DQX1: variants seen among roughly 807,000 people sequenced by gnomAD.
DQX1 encodes the protein ATP-dependent RNA helicase homolog DQX1.
Under a neutral mutation model 81.3 loss-of-function variants are expected in DQX1, and 66 were observed. The observed-to-expected ratio is 0.81, with a 90% CI of 0.67 to 1.00. The LOEUF (loss-of-function observed/expected upper bound fraction) is 1.00. Ranked by LOEUF, DQX1 falls within the 50% of genes least tolerant of loss-of-function variation. DQX1 has a pLI of 0.00. For missense variants in DQX1, 798 were observed against 867.9 expected (o/e 0.92, Z 1.01); for synonymous variants, 290 against 350.0 (o/e 0.83, Z 1.91).
chr2:74,524,667 G>A (rs1675125555), intron 3 of DQX1, among the ~76,000 whole-genome samples: 1 of 152,124 alleles, frequency 6.6e-6, no homozygotes, highest in African/African-American at 2.4e-5. Flanking sequence ...GGGAGACCGA[G>A]GTGGGTGGAT....
rs2104333958 is a variant in DQX1 at position 74,519,612 on chromosome 2, A to G, written c.1750T>C (p.Ser584Pro). ...ELPLSLPAFGSEQNRRDLQKA... is the reference protein window; with the variant it reads ...ELPLSLPAFGPEQNRRDLQKA... Reference sequence around the variant, plus strand: ...TGAAGGTCTCTGCGATTCTGCTCAGAGCCAAAGGCTGGTAGGGACAAGGGA... The same window carrying G: ...TGAAGGTCTCTGCGATTCTGCTCAGGGCCAAAGGCTGGTAGGGACAAGGGA... Residue 584 changes from serine to proline, a missense_variant, in exon 10 of 12, where the codon TCT becomes CCT. Transcript: ENST00000404568. The G allele has an allele frequency of 6.2e-7, 1 of 1,614,218 alleles. No homozygotes were observed. The highest frequency in any genetic ancestry group is 1.6e-4 in the Middle Eastern group (1 of 6,062).
chr2:74,518,571 T>C lies in DQX1; in HGVS notation c.2029A>G (p.Ser677Gly), dbSNP rs1251410168. The C allele has an allele frequency of 6.2e-7, 1 of 1,614,178 alleles. No homozygotes were observed. The highest frequency in any genetic ancestry group is 1.7e-5 in the Admixed American group (1 of 60,018). The change falls in exon 12 of 12, where the codon AGT (serine) becomes GGT (glycine). Residue 677 changes from serine to glycine, a missense_variant. Coordinates refer to ENST00000404568, the MANE Select transcript of DQX1 (RefSeq NM_133637.3). ...LVELAPPYFL[S>G]NLPPSESRDL... ...CTGCTCTCACTGGGAGGCAAGTTAC[T>C]CAGGAAGTATGGAGGGGCCAATTCC...
intron 8 of DQX1, 107 bp downstream of exon 8, chr2:74,522,473 G>A: frequency 7.4e-7 from 1 of 1,353,776 alleles, no homozygotes; most frequent in South Asian, 1.4e-5. Flanking sequence ...ATTGTGAGGG[G>A]TGGCAACTGG....
In DQX1 at chr2:74,520,029, G is replaced by C. The variant is rs1436885111; in HGVS notation, c.1501C>G (p.Pro501Ala). 45 of 1,612,180 alleles carry C rather than the reference G, an allele frequency of 2.8e-5. No individual in the cohort carries two copies. Among genetic ancestry groups the C allele is most frequent in the Non-Finnish European group, 3.6e-5 (43 of 1,178,558 alleles). Residue 501 changes from proline to alanine, a missense_variant, in exon 9 of 12, where the codon CCT (proline) becomes GCT (alanine). By Grantham distance (27) the Pro-to-Ala change is conservative. Coordinates refer to ENST00000404568, the MANE Select transcript of DQX1 (RefSeq NM_133637.3). ...LTLAAMLTAA[P>A]GFTRPPLSAE... is the part of the protein sequence containing the mutation. Reference sequence around the variant, plus strand: ...CTGAGTGGAGGACGGGTAAACCCAGGGGCAGCTGGAGGCAGAAGAGTGGAA... The same window carrying C: ...CTGAGTGGAGGACGGGTAAACCCAGCGGCAGCTGGAGGCAGAAGAGTGGAA...
At chr2:74,522,505 C>T (rs1440695657) in intron 8 of DQX1, 75 bp downstream of exon 8, 1 of 1,540,418 alleles carries the variant, frequency 6.5e-7, no homozygotes, top group African/African-American at 1.4e-5. Context: ...AAGGGCTAGC[C>T]TCAGGAGCAC....
At chr2:74,521,752 CCTCTTTCCCTCTCCCT>C (rs1400758441) in intron 8 of DQX1, among the ~76,000 whole-genome samples, 30 of 134,082 alleles carry the variant, frequency 2.2e-4, no homozygotes, top group African/African-American at 1.1e-3. Flanking sequence ...CCCCTCTCCC[CCTCTTTCCCTCTCCCT>C]CTCTCCCCCT....
intron 11 of DQX1, 83 bp downstream of exon 11, chr2:74,518,957 C>T: frequency 7.5e-7 from 1 of 1,341,402 alleles, no homozygotes. Context: ...AAGATCCCTT[C>T]CTCTGTCTCT....
At position 74,523,169 on chromosome 2, in the gene DQX1, C is replaced by T; in HGVS notation, c.1094G>A (p.Ser365Asn). Reference sequence around the variant, plus strand: ...TCGTCTTGCCTCTGCCTGACACTTGCTGATTGGCCTCAACACTTGGAATTC... The same window carrying T: ...TCGTCTTGCCTCTGCCTGACACTTGTTGATTGGCCTCAACACTTGGAATTC... ...RAEFQVLRPI[S>N]KCQAEARRLR... Residue 365 changes from serine to asparagine, a missense_variant, in exon 6 of 12, where the codon AGC becomes AAC. Ser to Asn is a conservative substitution (Grantham distance 46, BLOSUM62 1). Coordinates refer to ENST00000404568, the MANE Select transcript of DQX1 (RefSeq NM_133637.3). The T allele has an allele frequency of 6.2e-7, 1 of 1,614,210 alleles. No individual in the cohort carries two copies. Among genetic ancestry groups the T allele is most frequent in the South Asian group, 1.1e-5 (1 of 91,086 alleles).
In DQX1 at chr2:74,519,765, C is replaced by T. The variant is rs762205722; in HGVS notation, c.1616-19G>A. On this transcript the variant is annotated intron_variant, in intron 9 of 11. Transcript: ENST00000404568. ...GCTCCACCTAGGAGAGGAAAGGGAC[C>T]AGCTAAACTAAAGTCCTTGAGACCC... 6.2e-7 allele frequency: 1 copy of T among 1,613,428 alleles called. No homozygotes were observed. The highest frequency in any genetic ancestry group is 8.5e-7 in the Non-Finnish European group (1 of 1,179,554).
chr2:74,518,960 C>T (rs1275679160), intron 11 of DQX1, 80 bp downstream of exon 11: 4 of 1,358,392 alleles, frequency 2.9e-6, no homozygotes, highest in Non-Finnish European at 4.0e-6. Flanking sequence ...ATCCCTTCCT[C>T]TGTCTCTCTA....
At chr2:74,522,496 AG>A (rs1675053942) in intron 8 of DQX1, 83 bp downstream of exon 8, 2 of 1,498,704 alleles carry the variant, frequency 1.3e-6, no homozygotes, top group Admixed American at 4.3e-5. Context: ...CAGAGAGGAA[AG>A]GGCTAGCCTC....
intron 8 of DQX1, among the ~76,000 whole-genome samples, 170 bp from the exon 9 acceptor site, chr2:74,520,204 G>A (rs1370470882): frequency 1.3e-5 from 2 of 152,248 alleles, no homozygotes; most frequent in Non-Finnish European, 2.9e-5. Context: ...ATAAGTAAAT[G>A]AAATACAGTC....
chr2:74,518,473 C>T lies in DQX1; in HGVS notation c.2127G>A (p.Glu709=), dbSNP rs775891544. 1.9e-6 allele frequency: 3 copies of T among 1,614,238 alleles called. No homozygotes were observed. The highest frequency in any genetic ancestry group is 2.5e-6 in the Non-Finnish European group (3 of 1,180,038). ...ACTGCAGGACACAGGGATCTCTGAA[C>T]TCCTGGGCTGAGGATGATTTGCTCC... The part of the protein sequence containing the change: ...TAGSKSSSAQ[E]FRDPCVLQ Residue 709 remains glutamate, a synonymous_variant, in exon 12 of 12, where the codon GAG becomes GAA. Coordinates refer to ENST00000404568, the MANE Select transcript of DQX1 (RefSeq NM_133637.3).
At chr2:74,520,674 G>T (rs1572984070) in intron 8 of DQX1, among the ~76,000 whole-genome samples, 1 of 152,042 alleles carries the variant, frequency 6.6e-6, no homozygotes, top group African/African-American at 2.4e-5. Flanking sequence ...TTTTTTTGTT[G>T]TTGTTGTTTG....
Position 74,524,004 on chromosome 2 carries a change from C to T in DQX1, c.735G>A (p.Val245=). 6.2e-7 allele frequency: 1 copy of T among 1,614,172 alleles called. No homozygotes were observed. The highest frequency in any genetic ancestry group is 8.5e-7 in the Non-Finnish European group (1 of 1,180,018). The change falls in exon 4 of 12, where the codon GTG becomes GTA. Residue 245 remains valine (V), a synonymous_variant. Transcript: ENST00000404568. Reference sequence around the variant, plus strand: ...CAAGCACTGCTTGGCAGGCAGCTTCCACCCGATCAGGTGGGATGGTGTCCC... The same window carrying T: ...CAAGCACTGCTTGGCAGGCAGCTTCTACCCGATCAGGTGGGATGGTGTCCC... ...IYWDTIPPDR[V]EAACQAVLEL... is the part of the protein sequence containing the mutation.
In DQX1 at chr2:74,525,515, G is replaced by A; in HGVS notation, c.215C>T (p.Pro72Leu). 6.4e-7 allele frequency: 1 copy of A among 1,552,242 alleles called. No homozygotes were observed. Among genetic ancestry groups the A allele is most frequent in the South Asian group, 1.2e-5 (1 of 84,060 alleles). Residue 72 changes from proline to leucine, a missense_variant, in exon 2 of 12, where the codon CCT becomes CTT. Transcript: ENST00000404568. This position sits in a 1 kb window ranked among gnomAD's most constrained non-coding sequence, Gnocchi z 4.1. ...CACCTGGGTGCTCTTGCCAGAACCA[G>A]GCTCCCCAGACACCAGCACCACTCC... is the stretch of plus-strand genomic sequence containing the variant. ...PTGVVLVSGE[P>L]GSGKSTQIPQ...
chr2:74,523,100 TGA>T lies in DQX1; in HGVS notation c.1144+17_1144+18del. On this transcript the variant is annotated intron_variant, in intron 6 of 11. Coordinates refer to ENST00000404568, the MANE Select transcript of DQX1 (RefSeq NM_133637.3). ...GTGACTCTTGGGTTTTTTATTTCAG[TGA>T]GGGCAAAGGCTCTTACCTGGTGGGA... The T allele has an allele frequency of 6.2e-7, 1 of 1,614,184 alleles. No individual in the cohort carries two copies. Among genetic ancestry groups the T allele is most frequent in the Non-Finnish European group, 8.5e-7 (1 of 1,180,032 alleles).
chr2:74,524,961 A>G (rs762876361), intron 3 of DQX1, 48 bp downstream of exon 3: 1 of 1,562,622 alleles, frequency 6.4e-7, no homozygotes, highest in Non-Finnish European at 8.7e-7. Context: ...GTTTGTTTCT[A>G]CTGAATAAGG....
At chr2:74,523,094 T>A (rs759370075) in intron 6 of DQX1, 25 bp downstream of exon 6, 6 of 1,614,086 alleles carry the variant, frequency 3.7e-6, no homozygotes, top group Non-Finnish European at 8.5e-7. Flanking sequence ...GGGTTTTTTA[T>A]TTCAGTGAGG....
Sources: allele counts gnomAD v4.1 joint callset (sites outside exome capture counted in the v4.1 genomes callset), GRCh38; gene constraint gnomAD v4.1.1; non-coding constraint Gnocchi (gnomAD v3.1); transcripts MANE v1.5; gene names NCBI Gene and HGNC (gene_info 2026-07-23, HGNC 2026-07-21).